Variants in PCSK2 observed in about 807,000 individuals in gnomAD.
The protein encoded by PCSK2 is neuroendocrine convertase 2.
PCSK2 carries 14 observed loss-of-function variants against 69.7 expected under a neutral mutation model. The observed-to-expected ratio is 0.20, with a 90% CI of 0.13 to 0.31. PCSK2 has a LOEUF of 0.31. PCSK2 is among the 10% of genes least tolerant of loss of function. PCSK2 has a pLI of 1.00. For missense variants in PCSK2, 544 were observed against 842.5 expected, an observed-to-expected ratio of 0.65 and a Z score of 4.39; for synonymous variants, 307 against 320.7, an observed-to-expected ratio of 0.96 and a Z score of 0.46.
At chr20:17,420,777 A>T (rs2032107085) in intron 6 of PCSK2, among the ~76,000 whole-genome samples, 1 of 152,214 alleles carries the variant, frequency 6.6e-6, no homozygotes, top group Admixed American at 6.5e-5. Flanking sequence ...ATTGCTTGGT[A>T]TGGAATGAGT....
At chr20:17,391,641 A>G (rs2031376490) in intron 5 of PCSK2, among the ~76,000 whole-genome samples, 1 of 152,166 alleles carries the variant, frequency 6.6e-6, no homozygotes, top group Admixed American at 6.6e-5. Flanking sequence ...AGTAGCTCTT[A>G]TTCTCCCAAA....
intron 1 of PCSK2, among the ~76,000 whole-genome samples, chr20:17,243,166 A>G (rs1270513557): frequency 6.6e-6 from 1 of 152,146 alleles, no homozygotes; most frequent in Non-Finnish European, 1.5e-5. Flanking sequence ...CATGTACTCT[A>G]TATTTCATTT....
chr20:17,419,929 T>G (rs2032086164), intron 6 of PCSK2, among the ~76,000 whole-genome samples: 1 of 152,162 alleles, frequency 6.6e-6, no homozygotes, highest in Non-Finnish European at 1.5e-5. Context: ...CAGTGAGAGA[T>G]TCTAGGTTAG....
At chr20:17,339,220 G>A (rs1990440220) in intron 2 of PCSK2, among the ~76,000 whole-genome samples, 1 of 152,182 alleles carries the variant, frequency 6.6e-6, no homozygotes, top group Admixed American at 6.5e-5. Context: ...CAACCTGGTG[G>A]CTTTCATTTG....
chr20:17,251,559 G>C (rs1986979365), intron 1 of PCSK2, among the ~76,000 whole-genome samples: 1 of 152,204 alleles, frequency 6.6e-6, no homozygotes, highest in Non-Finnish European at 1.5e-5. Context: ...TATCTGAGCT[G>C]CTCCAAGACG....
chr20:17,440,882 C>G (rs1031679040), intron 8 of PCSK2, among the ~76,000 whole-genome samples: 1 of 147,932 alleles, frequency 6.8e-6, no homozygotes, highest in Middle Eastern at 3.3e-3. Flanking sequence ...AAAAAAAATG[C>G]ACCAAGAGGG....
intron 1 of PCSK2, 54 bp from the exon 2 acceptor site, chr20:17,260,186 C>A: frequency 1.7e-6 from 2 of 1,167,982 alleles, no homozygotes; most frequent in Non-Finnish European, 2.6e-6. Flanking sequence ...GTGTCCCTGT[C>A]CCTGGGCCAA....
intron 11 of PCSK2, among the ~76,000 whole-genome samples, chr20:17,478,418 T>C (rs770504256): frequency 6.6e-5 from 10 of 152,198 alleles, no homozygotes; most frequent in Admixed American, 2.0e-4. Context: ...ATACTGTTCA[T>C]CATATACTGC....
chr20:17,313,114 C>T (rs959191449), intron 2 of PCSK2, among the ~76,000 whole-genome samples: 3 of 152,176 alleles, frequency 2.0e-5, no homozygotes, highest in Admixed American at 6.5e-5. Flanking sequence ...ATATATTTCA[C>T]TTAACCCAAC....
At position 17,352,133 on chromosome 20, in the gene PCSK2, C is replaced by T. The variant is rs576456692; in HGVS notation, c.283-6194C>T. On this transcript the variant is annotated intron_variant, in intron 2 of 11. Coordinates refer to ENST00000262545, the MANE Select transcript of PCSK2 (RefSeq NM_002594.5). ...AAGAAGAATAAAATACCTAAGAATACATTTAACGAAAGAGGTAAAAGATCT... is the reference window on the plus strand; with the variant it reads ...AAGAAGAATAAAATACCTAAGAATATATTTAACGAAAGAGGTAAAAGATCT... Among the ~76,000 whole-genome samples the T allele has an allele frequency of 2.0e-5, 3 of 152,132 alleles. No individual in the cohort carries two copies. The East Asian group carries it at 5.8e-4, about 29-fold the overall frequency.
chr20:17,476,327 C>T (rs193159861), intron 11 of PCSK2, among the ~76,000 whole-genome samples: 64 of 152,240 alleles, frequency 4.2e-4, no homozygotes, highest in African/African-American at 9.9e-4. Context: ...CCAGTACAGA[C>T]GCAACCAGCC....
In PCSK2 at chr20:17,444,224, A is replaced by G. The variant is rs117350219; in HGVS notation, c.885+7341A>G. 2.0e-5 allele frequency among the ~76,000 whole-genome samples: 3 copies of G among 152,274 alleles called. No homozygotes were observed. The East Asian group carries it at 5.8e-4, about 29-fold the overall frequency. On this transcript the variant is annotated intron_variant, in intron 8 of 11. Transcript: ENST00000262545. ...TTGTCTTTCAATTTTATCATCCTGT[A>G]CATATGTTTTGTTTGACCAACATGG...
At position 17,251,370 on chromosome 20, in the gene PCSK2, A is replaced by G. The variant is rs374711456; in HGVS notation, c.178-8870A>G. On this transcript the variant is annotated intron_variant, in intron 1 of 11. Coordinates refer to ENST00000262545, the MANE Select transcript of PCSK2 (RefSeq NM_002594.5). ...ACGAAATATTTATGTTAAATTTGCC[A>G]TGGGGAATATGGCTTTTAGTGAACA... Among the ~76,000 whole-genome samples the G allele has an allele frequency of 9.2e-5, 14 of 152,360 alleles. No homozygotes were observed. The East Asian group carries it at 2.3e-3, about 25-fold the overall frequency.
Position 17,387,842 on chromosome 20 carries a change from T to C in PCSK2, c.543+18565T>C, listed in dbSNP as rs60131973. On this transcript the variant is annotated intron_variant, in intron 5 of 11. Transcript: ENST00000262545. ...GGACCTTAGCAACTAGAGGGTAAAA[T>C]AGACTCCAAAGAAATAACTACAGAA... Among the ~76,000 whole-genome samples, 680 of 152,232 alleles carry C rather than the reference T, an allele frequency of 4.5e-3. 16 individuals are homozygous for C. Among genetic ancestry groups the C allele is most frequent in the East Asian group, 0.032 (167 of 5,176 alleles).
intron 8 of PCSK2, among the ~76,000 whole-genome samples, chr20:17,451,852 A>G (rs1358434500): frequency 1.3e-5 from 2 of 152,036 alleles, no homozygotes; most frequent in African/African-American, 4.8e-5. Flanking sequence ...GATTCAGGAG[A>G]AAGTTCTGCA....
At chr20:17,231,639 TA>T (rs1287080159) in intron 1 of PCSK2, among the ~76,000 whole-genome samples, 2 of 152,194 alleles carry the variant, frequency 1.3e-5, no homozygotes, top group African/African-American at 4.8e-5. Context: ...TGTGTATCAC[TA>T]AAAAACTTAG....
intron 2 of PCSK2, among the ~76,000 whole-genome samples, chr20:17,336,442 G>A (rs950311809): frequency 1.3e-5 from 2 of 152,178 alleles, no homozygotes; most frequent in Non-Finnish European, 2.9e-5. Flanking sequence ...CCAGCACTGT[G>A]CGAATGTCAC....
Position 17,286,666 on chromosome 20 carries a change from A to G in PCSK2, c.282+26322A>G, listed in dbSNP as rs769817689. ...CTGCCATATTTTGGTAGACGTTTATATATAAATCCTGGTTTGGTCAGGAAT... is the reference window on the plus strand; with the variant it reads ...CTGCCATATTTTGGTAGACGTTTATGTATAAATCCTGGTTTGGTCAGGAAT... On this transcript the variant is annotated intron_variant, in intron 2 of 11. Coordinates refer to ENST00000262545, the MANE Select transcript of PCSK2 (RefSeq NM_002594.5). Among the ~76,000 whole-genome samples the G allele has an allele frequency of 1.3e-5, 2 of 152,206 alleles. 1 individual carries two copies. Among genetic ancestry groups the G allele is most frequent in the Admixed American group, 1.3e-4 (2 of 15,284 alleles).
At chr20:17,228,893 T>C (rs141434989) in intron 1 of PCSK2, among the ~76,000 whole-genome samples, 1 of 152,280 alleles carries the variant, frequency 6.6e-6, no homozygotes, top group Non-Finnish European at 1.5e-5. Flanking sequence ...AGGAACTTGT[T>C]GCTCTGGAAA....
Sources: gnomAD v4.1 joint callset for allele counts (sites outside exome capture counted in the v4.1 genomes callset) on GRCh38, gnomAD v4.1.1 for gene constraint, MANE v1.5 for transcripts, NCBI Gene and HGNC (gene_info 2026-07-23, HGNC 2026-07-21) for gene names.